The following CTDP1 variants were observed in gnomAD, a reference collection of about 807,000 sequenced individuals.
CTDP1 encodes the protein RNA polymerase II subunit A C-terminal domain phosphatase.
In CTDP1, 47 loss-of-function variants were observed where a neutral mutation model predicts 91.8. That is an observed-to-expected ratio of 0.51 (90% confidence interval 0.41 to 0.65). The LOEUF is 0.65. Among genes scored for constraint, CTDP1 ranks in the 30% least tolerant of loss-of-function variants. CTDP1 has a pLI of 0.00. For synonymous variants in CTDP1, 656 were observed against 598.5 expected (o/e 1.10, Z -1.40); for missense variants, 1,272 against 1,373.7 (o/e 0.93, Z 1.17).
intron 8 of CTDP1, among the ~76,000 whole-genome samples, chr18:79,716,395 A>G (rs1056059007): frequency 2.0e-5 from 3 of 152,246 alleles, no homozygotes; most frequent in Admixed American, 6.5e-5. Flanking sequence ...TCAGTAAAGC[A>G]TTTGAATCAA....
At chr18:79,735,022 C>T (rs905847994) in intron 11 of CTDP1, among the ~76,000 whole-genome samples, 11 of 152,196 alleles carry the variant, frequency 7.2e-5, no homozygotes, top group East Asian at 1.9e-4. Context: ...TAGCTGGACA[C>T]GTGGCGATGA....
intron 11 of CTDP1, among the ~76,000 whole-genome samples, chr18:79,730,650 G>A (rs148659984): frequency 6.6e-6 from 1 of 152,286 alleles, no homozygotes; most frequent in African/African-American, 2.4e-5. Context: ...ATGGGAGAGA[G>A]GCCAGAGGGT....
At chr18:79,718,171 C>T (rs2086261321) in intron 10 of CTDP1, among the ~76,000 whole-genome samples, 155 bp downstream of exon 10, 1 of 152,202 alleles carries the variant, frequency 6.6e-6, no homozygotes, top group Non-Finnish European at 1.5e-5. Context: ...GCGCCGCCCC[C>T]GCTTGCAGTC....
chr18:79,746,581 A>C (rs2086887320), intron 12 of CTDP1, among the ~76,000 whole-genome samples: 1 of 152,228 alleles, frequency 6.6e-6, no homozygotes, highest in Admixed American at 6.5e-5. Context: ...AACTGCTGTC[A>C]CTGTGAACAG....
At position 79,717,887 on chromosome 18, in the gene CTDP1, C is replaced by T; in HGVS notation, c.2288C>T (p.Pro763Leu). The T allele has an allele frequency of 3.7e-6, 6 of 1,613,662 alleles. No individual in the cohort carries two copies. The highest frequency in any genetic ancestry group is 1.3e-5 in the African/African-American group (1 of 75,076). ...TALFHPMPVL[P>L]KAQPGPEVRI... is the part of the protein sequence containing the mutation. ...TTGTTCCACCCGATGCCGGTTCTTC[C>T]CAAGGCCCAGCCTGGCCCCGAGGTT... The change falls in exon 10 of 13, where the codon CCC becomes CTC. Residue 763 changes from proline (P) to leucine (L), a missense_variant. This residue lies in a region of CTDP1 where 881 missense variants were observed against 911.6 expected (regional missense o/e 0.97). Coordinates refer to ENST00000613122, the MANE Select transcript of CTDP1 (RefSeq NM_004715.5).
chr18:79,696,846 C>T (rs1054374838), intron 3 of CTDP1, among the ~76,000 whole-genome samples: 4 of 152,180 alleles, frequency 2.6e-5, no homozygotes, highest in African/African-American at 7.2e-5. Flanking sequence ...ACCGTCTCCC[C>T]GACCTCGCTT....
At chr18:79,741,795 A>C (rs950953155) in intron 12 of CTDP1, among the ~76,000 whole-genome samples, 2 of 152,204 alleles carry the variant, frequency 1.3e-5, no homozygotes, top group African/African-American at 2.4e-5. Flanking sequence ...GACAACAGGG[A>C]ATAGTGCTCC....
chr18:79,677,852 T>TA (rs1348779385), upstream of CTDP1: 1 of 152,270 alleles, frequency 6.6e-6, no homozygotes, highest in Admixed American at 6.5e-5. Flanking sequence ...CAGTGGTCTG[T>TA]AAATGTTGCC....
chr18:79,698,062 C>T, intron 4 of CTDP1, 74 bp downstream of exon 4: 1 of 1,585,482 alleles, frequency 6.3e-7, no homozygotes. Flanking sequence ...GAAGTGTGTT[C>T]TCTTGTTTTT....
chr18:79,724,099 TCTTTCTGAGCACGAAGATTCGCAC>T (rs535317139), intron 10 of CTDP1, among the ~76,000 whole-genome samples: 29 of 152,360 alleles, frequency 1.9e-4, no homozygotes, highest in Admixed American at 1.6e-3. Context: ...AAGGTTCGCA[TCTTTCTGAGCACGAAGATTCGCAC>T]CTTTCTGAGC....
At chr18:79,697,259 C>T (rs1230221492) in intron 3 of CTDP1, among the ~76,000 whole-genome samples, 3 of 152,184 alleles carry the variant, frequency 2.0e-5, no homozygotes, top group African/African-American at 2.4e-5. Context: ...GAGTGAGGGC[C>T]AGTTACAGTG....
At chr18:79,749,501 C>CGCCACGCACACCCGAG (rs142577028) in intron 12 of CTDP1, among the ~76,000 whole-genome samples, 1 of 150,172 alleles carries the variant, frequency 6.7e-6, no homozygotes, top group Non-Finnish European at 1.5e-5. Context: ...GTGAGGGTCG[C>CGCCACGCACACCCGAG]GCCCCGTGCA....
At position 79,715,056 on chromosome 18, in the gene CTDP1, G is replaced by C; in HGVS notation, c.1596G>C (p.Gly532=). The change falls in exon 8 of 13, where the codon GGG becomes GGC. Residue 532 remains glycine, a synonymous_variant. Transcript: ENST00000613122. ...CGGACAAGGAGCCTGAGCTGGGTGG[G>C]CAGGAGGAGGGCGAGCGGGATGGCC... The part of the protein sequence containing the change: ...HAPDKEPELG[G]QEEGERDGLC... 1.2e-6 allele frequency: 2 copies of C among 1,610,836 alleles called. No individual in the cohort carries two copies. Among genetic ancestry groups the C allele is most frequent in the Non-Finnish European group, 1.7e-6 (2 of 1,179,118 alleles).
chr18:79,704,694 G>A (rs1389145080), intron 4 of CTDP1, 73 bp from the exon 5 acceptor site: 22 of 1,585,780 alleles, frequency 1.4e-5, no homozygotes, highest in Non-Finnish European at 1.8e-5. Context: ...TGCCTGTCTC[G>A]GGCACACAGG....
At chr18:79,718,073 T>C in intron 10 of CTDP1, 57 bp downstream of exon 10, 1 of 1,592,974 alleles carries the variant, frequency 6.3e-7, no homozygotes, top group Non-Finnish European at 8.6e-7. Flanking sequence ...AGCTTGCTGC[T>C]CCAGTCTGTT....
At chr18:79,684,925 AGG>A (rs113059721) in intron 1 of CTDP1, among the ~76,000 whole-genome samples, 137 of 36,954 alleles carry the variant, frequency 3.7e-3, no homozygotes, top group Middle Eastern at 0.025. Flanking sequence ...CCTGGTGAGG[AGG>A]ACGGTGCAGG....
intron 10 of CTDP1, among the ~76,000 whole-genome samples, chr18:79,727,134 A>G (rs948994786): frequency 5.3e-5 from 8 of 152,300 alleles, no homozygotes; most frequent in African/African-American, 1.7e-4. Flanking sequence ...AGGCTCCTCC[A>G]TGGCCTTCTC....
upstream of CTDP1, chr18:79,679,724 G>A (rs894542733): frequency 6.3e-5 from 32 of 509,206 alleles, no homozygotes; most frequent in Non-Finnish European, 8.7e-5. Context: ...GCCGGCTCCG[G>A]CCCCGCGCGG....
intron 11 of CTDP1, among the ~76,000 whole-genome samples, chr18:79,730,243 A>G (rs1457076233): frequency 2.0e-5 from 3 of 152,230 alleles, no homozygotes; most frequent in Admixed American, 2.0e-4. Flanking sequence ...ACTACCTGTA[A>G]GCCCAGACCA....
Sources: gnomAD v4.1 joint callset for allele counts (sites outside exome capture counted in the v4.1 genomes callset) on GRCh38, gnomAD v4.1.1 for gene constraint, gnomAD v4.1.1 regional missense constraint, MANE v1.5 for transcripts, NCBI Gene and HGNC (gene_info 2026-07-23, HGNC 2026-07-21) for gene names.